CARMIL1: variants seen among roughly 807,000 people sequenced by gnomAD.
The protein encoded by CARMIL1 is capping protein regulator and myosin 1 linker 1.
CARMIL1 carries 90 observed loss-of-function variants against 177.1 expected under a neutral mutation model. The ratio of observed to expected loss-of-function variants is 0.51; its 90% CI spans 0.43 to 0.61. The LOEUF is 0.61. Among genes scored for constraint, CARMIL1 ranks in the 20% least tolerant of loss-of-function variants. CARMIL1 has a pLI of 0.00. For synonymous variants in CARMIL1, 577 were observed against 606.2 expected (o/e 0.95, Z 0.71); for missense variants, 1,380 against 1,667.0 (o/e 0.83, Z 3.00).
intron 6 of CARMIL1, among the ~76,000 whole-genome samples, 172 bp downstream of exon 6, chr6:25,450,167 G>A (rs945557854): frequency 1.3e-5 from 2 of 152,198 alleles, no homozygotes; most frequent in African/African-American, 2.4e-5. Flanking sequence ...AAGCTGTATT[G>A]CATCCTGCTA....
intron 2 of CARMIL1, among the ~76,000 whole-genome samples, chr6:25,312,921 A>C (rs1012726633): frequency 1.3e-5 from 2 of 150,056 alleles, no homozygotes; most frequent in East Asian, 3.9e-4. Flanking sequence ...AAAAAAAAAA[A>C]AAAAAAAAAA....
intron 2 of CARMIL1, among the ~76,000 whole-genome samples, chr6:25,372,530 T>G (rs986220530): frequency 1.3e-5 from 2 of 152,202 alleles, no homozygotes; most frequent in Middle Eastern, 3.2e-3. Flanking sequence ...GAGTTCTTGA[T>G]TTGATTCTGA....
chr6:25,609,907 C>T (rs1462792964), intron 35 of CARMIL1, 143 bp from the exon 36 acceptor site: 17 of 935,356 alleles, frequency 1.8e-5, no homozygotes, highest in South Asian at 6.7e-5. Context: ...TGAGCAAAAA[C>T]ACAAAACTAA....
intron 12 of CARMIL1, among the ~76,000 whole-genome samples, chr6:25,484,358 C>A (rs924665556): frequency 4.6e-5 from 7 of 152,234 alleles, no homozygotes; most frequent in African/African-American, 1.7e-4. Flanking sequence ...CTATTCTGAA[C>A]ATGCAGTTAA....
chr6:25,329,400 A>G (rs191612993), intron 2 of CARMIL1, among the ~76,000 whole-genome samples: 3 of 152,294 alleles, frequency 2.0e-5, no homozygotes, highest in African/African-American at 4.8e-5. Context: ...GTTGACTGCA[A>G]TTTGTCATTG....
intron 2 of CARMIL1, among the ~76,000 whole-genome samples, chr6:25,333,360 C>T (rs1428877413): frequency 2.0e-5 from 3 of 152,022 alleles, no homozygotes; most frequent in Admixed American, 6.6e-5. Flanking sequence ...CCCAGGAGTT[C>T]GAGACCAGCC....
intron 31 of CARMIL1, among the ~76,000 whole-genome samples, chr6:25,585,291 C>T (rs1421073903): frequency 2.6e-5 from 4 of 152,160 alleles, no homozygotes; most frequent in African/African-American, 4.8e-5. Context: ...TAACAATTAT[C>T]GTTGTTTTTC....
intron 8 of CARMIL1, among the ~76,000 whole-genome samples, chr6:25,459,262 C>CTTTCTTTCTTTCTT (rs1562167746): frequency 9.9e-6 from 1 of 101,456 alleles, no homozygotes. Context: ...TTCTTTCTTT[C>CTTTCTTTCTTTCTT]TTTCTTTTTT....
At chr6:25,535,614 GC>G (rs1483172242) in intron 24 of CARMIL1, among the ~76,000 whole-genome samples, 2 of 152,178 alleles carry the variant, frequency 1.3e-5, no homozygotes, top group East Asian at 1.9e-4. Flanking sequence ...AAACTAAACA[GC>G]CCTAACACAA....
At chr6:25,586,702 C>T (rs372615083) in intron 31 of CARMIL1, among the ~76,000 whole-genome samples, 7 of 152,166 alleles carry the variant, frequency 4.6e-5, no homozygotes, top group African/African-American at 1.2e-4. Flanking sequence ...TCTGCAATCC[C>T]GGCACCTCGG....
chr6:25,547,379 G>T (rs1809608367), intron 26 of CARMIL1, among the ~76,000 whole-genome samples: 1 of 152,072 alleles, frequency 6.6e-6, no homozygotes, highest in South Asian at 2.1e-4. Flanking sequence ...AGAACAAGAA[G>T]GTTGGTAGTC....
At chr6:25,495,287 G>A in intron 16 of CARMIL1, 72 bp downstream of exon 16, 4 of 1,017,286 alleles carry the variant, frequency 3.9e-6, no homozygotes, top group Non-Finnish European at 5.8e-6. Context: ...TTGAGGGAAG[G>A]GAGAAAGATA....
chr6:25,423,805 T>C, intron 3 of CARMIL1, among the ~76,000 whole-genome samples: 1 of 152,180 alleles, frequency 6.6e-6, no homozygotes, highest in African/African-American at 2.4e-5. Context: ...CTAATTTCTG[T>C]GGTGATATTT....
At chr6:25,453,221 T>C (rs1799162355) in intron 8 of CARMIL1, among the ~76,000 whole-genome samples, 1 of 152,004 alleles carries the variant, frequency 6.6e-6, no homozygotes, top group Non-Finnish European at 1.5e-5. Context: ...TTTAAATTTT[T>C]GCTTGAAAGA....
intron 2 of CARMIL1, among the ~76,000 whole-genome samples, chr6:25,405,860 A>G (rs1794318773): frequency 6.6e-6 from 1 of 152,210 alleles, no homozygotes; most frequent in South Asian, 2.1e-4. Flanking sequence ...CAGCAGGATA[A>G]AACAGGCAGG....
chr6:25,310,531 G>A (rs1462825181), intron 2 of CARMIL1, among the ~76,000 whole-genome samples: 1 of 152,206 alleles, frequency 6.6e-6, no homozygotes, highest in Non-Finnish European at 1.5e-5. Context: ...TTTATTTTCA[G>A]TAGCTATATG....
chr6:25,620,081 G>A lies in CARMIL1; in HGVS notation c.*498G>A, dbSNP rs542122286. On this transcript the variant is annotated 3_prime_UTR_variant, in exon 37 of 37. Transcript: ENST00000329474. ...TTCTTGATGTATGCAATTGCACATT[G>A]TAATTATATTAACAGAGCACACTAA... The A allele has an allele frequency of 2.0e-5, 3 of 152,770 alleles. No individual in the cohort carries two copies. In the East Asian group the frequency reaches 5.8e-4, roughly 29 times the overall value. The allele number at this position is 152,770 out of a possible 1,614,324, so 9.5% of individuals were successfully genotyped here.
At chr6:25,610,543 T>G (rs933110472) in intron 36 of CARMIL1, among the ~76,000 whole-genome samples, 1 of 152,190 alleles carries the variant, frequency 6.6e-6, no homozygotes, top group Non-Finnish European at 1.5e-5. Flanking sequence ...TTATTTTCAA[T>G]GAAATCTTTT....
intron 2 of CARMIL1, among the ~76,000 whole-genome samples, chr6:25,360,563 G>T (rs1043131807): frequency 6.6e-6 from 1 of 151,920 alleles, no homozygotes; most frequent in Non-Finnish European, 1.5e-5. Flanking sequence ...ATTTTTTTTG[G>T]CAATTATTTT....
Sources: allele counts gnomAD v4.1 joint callset (sites outside exome capture counted in the v4.1 genomes callset), GRCh38; gene constraint gnomAD v4.1.1; transcripts MANE v1.5; gene names NCBI Gene and HGNC (gene_info 2026-07-23, HGNC 2026-07-21).